GCFC2: variants seen among roughly 807,000 people sequenced by gnomAD.
The protein encoded by GCFC2 is GC-rich sequence DNA-binding factor 2, also known as intron Large complex component GCFC2.
Under a neutral mutation model 99.4 loss-of-function variants are expected in GCFC2, and 102 were observed. The observed-to-expected ratio is 1.03, with a 90% CI of 0.87 to 1.21. The LOEUF (loss-of-function observed/expected upper bound fraction) is 1.21. GCFC2 is among the 50% of genes most tolerant of loss of function. The probability of loss-of-function intolerance (pLI) is 0.00; values close to 1 mark genes in which losing one functional copy is unlikely to be tolerated. For synonymous variants in GCFC2, 338 were observed against 316.8 expected, an observed-to-expected ratio of 1.07 and a Z score of -0.71; for missense variants, 973 against 920.9, an observed-to-expected ratio of 1.06 and a Z score of -0.73.
chr2:75,683,113 G>A (rs559514165), intron 11 of GCFC2, among the ~76,000 whole-genome samples: 1 of 151,714 alleles, frequency 6.6e-6, no homozygotes, highest in Non-Finnish European at 1.5e-5. Flanking sequence ...GATACTCCTC[G>A]AGAAGAGCAA....
chr2:75,687,872 C>CT lies in GCFC2; in HGVS notation c.1644dup (p.Val549SerfsTer42), dbSNP rs757231207. The CT allele has an allele frequency of 1.2e-6, 2 of 1,606,854 alleles. No individual in the cohort carries two copies. The highest frequency in any genetic ancestry group is 1.7e-6 in the Non-Finnish European group (2 of 1,175,492). On this transcript the variant is annotated frameshift_variant, in exon 11 of 17. Transcript: ENST00000321027. LOFTEE classifies it high-confidence loss of function. ...GTTTTGTTGATGATTGCAGACAAGA[C>CT]TTTTTTATCTGAACTACTTTCCTTC...
chr2:75,707,418 T>C (rs1407636255), intron 1 of GCFC2, among the ~76,000 whole-genome samples: 2 of 152,244 alleles, frequency 1.3e-5, no homozygotes, highest in Non-Finnish European at 1.5e-5. Flanking sequence ...AAAGGATTTC[T>C]TAATCCACAA....
intron 1 of GCFC2, among the ~76,000 whole-genome samples, chr2:75,707,204 C>T (rs549036005): frequency 1.6e-4 from 25 of 152,140 alleles, no homozygotes; most frequent in Non-Finnish European, 2.9e-4. Flanking sequence ...CATATTTCAA[C>T]GGCTGGTGGC....
chr2:75,699,027 A>C (rs1243525060), intron 4 of GCFC2, among the ~76,000 whole-genome samples: 2 of 151,864 alleles, frequency 1.3e-5, no homozygotes, highest in Admixed American at 6.6e-5. Flanking sequence ...AAAAAAAAAA[A>C]AGAATGTGTT....
At chr2:75,681,445 G>T (rs80205309) in intron 11 of GCFC2, among the ~76,000 whole-genome samples, 4 of 151,912 alleles carry the variant, frequency 2.6e-5, no homozygotes, top group Admixed American at 2.0e-4. Flanking sequence ...CAGACCAGGA[G>T]ATTCCCTCCA....
At chr2:75,685,644 C>T (rs978695160) in intron 11 of GCFC2, among the ~76,000 whole-genome samples, 8 of 152,194 alleles carry the variant, frequency 5.3e-5, no homozygotes, top group East Asian at 1.9e-4. Context: ...CTTCTCTTTT[C>T]GGTTTATATT....
Position 75,710,740 on chromosome 2 carries a change from C to T in GCFC2, c.116G>A (p.Gly39Asp). ...AGAGGGCGGCTCTTCCTCCGCAGAA[C>T]CCGGGACCGGAAGTTCCCTCGGCGC... ...PGAPRELPVP[G>D]SAEEEPPSGG... is the part of the protein sequence containing the mutation. The change falls in exon 1 of 17, where the codon GGT (glycine) becomes GAT (aspartate). Residue 39 changes from glycine to aspartate, a missense_variant. By Grantham distance (94) the Gly-to-Asp change is moderately conservative. Coordinates refer to ENST00000321027, the MANE Select transcript of GCFC2 (RefSeq NM_003203.5). 6.4e-7 allele frequency: 1 copy of T among 1,561,804 alleles called. No individual in the cohort carries two copies.
At chr2:75,690,748 T>C (rs1468697616) in intron 7 of GCFC2, 29 bp from the exon 8 acceptor site, 1 of 1,105,894 alleles carries the variant, frequency 9.0e-7, no homozygotes, top group Admixed American at 2.1e-5. Context: ...GACTTCATAC[T>C]ACAAATTCTC....
chr2:75,681,014 T>C (rs1299146495), intron 11 of GCFC2, among the ~76,000 whole-genome samples: 1 of 152,240 alleles, frequency 6.6e-6, no homozygotes, highest in Non-Finnish European at 1.5e-5. Context: ...TCTAAGATCC[T>C]GTTCCCAGAA....
chr2:75,682,550 A>G (rs1679628943), intron 11 of GCFC2, among the ~76,000 whole-genome samples: 1 of 151,850 alleles, frequency 6.6e-6, no homozygotes, highest in Admixed American at 6.5e-5. Context: ...TCAAAGAATC[A>G]CAACTCATCA....
At chr2:75,701,363 A>C (rs1197799189) in intron 3 of GCFC2, 76 bp from the exon 4 acceptor site, 11 of 816,468 alleles carry the variant, frequency 1.3e-5, no homozygotes, top group Non-Finnish European at 2.3e-5. Flanking sequence ...ATTTTTTGAG[A>C]TTATACAAAG....
In GCFC2 at chr2:75,687,675, C is replaced by T. The variant is rs1268628043; in HGVS notation, c.1690+152G>A. ...TGTACAAACACAAATTTTTTAACCA[C>T]CTTACATTTGACAGCTGTTGATTTT... On this transcript the variant is annotated intron_variant, in intron 11 of 16. Transcript: ENST00000321027. 3 of 642,914 alleles carry T rather than the reference C, an allele frequency of 4.7e-6. No individual in the cohort carries two copies. The African/African-American group carries it at 5.7e-5, about 12-fold the overall frequency. The allele number at this position is 642,914 out of a possible 1,614,324, so 39.8% of individuals were successfully genotyped here.
intron 1 of GCFC2, among the ~76,000 whole-genome samples, chr2:75,709,165 T>C (rs375509086): frequency 6.6e-6 from 1 of 152,210 alleles, no homozygotes; most frequent in African/African-American, 2.4e-5. Flanking sequence ...TTATTTTTAG[T>C]GTGATAAATA....
chr2:75,704,129 A>C (rs1573093277), intron 2 of GCFC2, among the ~76,000 whole-genome samples: 1 of 152,220 alleles, frequency 6.6e-6, no homozygotes, highest in Non-Finnish European at 1.5e-5. Context: ...GGAGGAATCA[A>C]TAATGTCAGC....
chr2:75,701,430 C>CT, intron 3 of GCFC2, 143 bp from the exon 4 acceptor site: 1 of 604,514 alleles, frequency 1.7e-6, no homozygotes, highest in Non-Finnish European at 2.9e-6. Flanking sequence ...GAAGAAGGCA[C>CT]TATTACTGCC....
At position 75,702,222 on chromosome 2, in the gene GCFC2, C is replaced by CT; in HGVS notation, c.595dup (p.Arg199LysfsTer6). ...ACTTGATTCCTCAGCCATCCTTTGTCTAAGTGTTTGAGGTCTTAGAGTAAA... is the reference window on the plus strand; with the variant it reads ...ACTTGATTCCTCAGCCATCCTTTGTCTTAAGTGTTTGAGGTCTTAGAGTAAA... On this transcript the variant is annotated frameshift_variant, in exon 3 of 17. Coordinates refer to ENST00000321027, the MANE Select transcript of GCFC2 (RefSeq NM_003203.5). LOFTEE classifies it high-confidence loss of function. 6.2e-7 allele frequency: 1 copy of CT among 1,608,442 alleles called. No individual in the cohort carries two copies. Among genetic ancestry groups the CT allele is most frequent in the Middle Eastern group, 1.7e-4 (1 of 6,048 alleles).
chr2:75,672,207 AAT>A (rs1022204981), intron 13 of GCFC2, among the ~76,000 whole-genome samples, 191 bp from the exon 14 acceptor site: 11 of 142,878 alleles, frequency 7.7e-5, no homozygotes, highest in African/African-American at 2.3e-4. Flanking sequence ...TATATTTATA[AAT>A]ATGTTTATAA....
intron 5 of GCFC2, 157 bp from the exon 6 acceptor site, chr2:75,694,584 C>A: frequency 2.7e-6 from 1 of 376,520 alleles, no homozygotes; most frequent in Admixed American, 4.5e-5. Context: ...AAAGGAAACC[C>A]TTTAGCACTT....
upstream of GCFC2, chr2:75,711,024 C>G (rs1226304051): frequency 1.5e-6 from 2 of 1,337,598 alleles, no homozygotes; most frequent in Non-Finnish European, 9.5e-7. Context: ...TGCTTTGGCT[C>G]CCTGGATCTG....
Sources: allele counts gnomAD v4.1 joint callset (sites outside exome capture counted in the v4.1 genomes callset), GRCh38; gene constraint gnomAD v4.1.1; transcripts MANE v1.5; gene names NCBI Gene and HGNC (gene_info 2026-07-23, HGNC 2026-07-21).